FHDC1: variants seen among roughly 807,000 people sequenced by gnomAD.
FHDC1 encodes FH2 domain containing 1, also known as FH2 domain-containing protein 1.
Under a neutral mutation model 52.6 loss-of-function variants are expected in FHDC1, and 25 were observed. That is an observed-to-expected ratio of 0.48 (90% CI 0.35 to 0.66). FHDC1 has a LOEUF of 0.66. Ranked by LOEUF, FHDC1 falls within the 30% of genes least tolerant of loss-of-function variation. The pLI, the probability that FHDC1 is intolerant of heterozygous loss-of-function variation, is 0.01. For synonymous variants in FHDC1, 616 were observed against 581.5 expected, an observed-to-expected ratio of 1.06 and a Z score of -0.85; for missense variants, 1,459 against 1,452.8, an observed-to-expected ratio of 1.00 and a Z score of -0.07.
At position 152,978,654 on chromosome 4, in the gene FHDC1, G is replaced by A. The variant is rs933290038; in HGVS notation, c.*1931G>A. 1 of 151,886 alleles carries A rather than the reference G, an allele frequency of 6.6e-6. No homozygotes were observed. Among genetic ancestry groups the A allele is most frequent in the African/African-American group, 2.4e-5 (1 of 41,338 alleles). The allele number at this position is 151,886 out of a possible 1,614,324, so 9.4% of individuals were successfully genotyped here. A position where few individuals can be genotyped will look rare whatever the true frequency, so the allele number is the denominator to read the frequency against. ...AATTTTTTTTTTAAGAAACTTTTTT[G>A]TGTTTTTTTTAATTTTAGGTCACTT... is the stretch of plus-strand genomic sequence containing the variant. On this transcript the variant is annotated 3_prime_UTR_variant, in exon 12 of 12. Coordinates refer to ENST00000511601, the MANE Select transcript of FHDC1 (RefSeq NM_001371116.1).
At chr4:152,919,982 G>A in the FHDC1 span, among the ~76,000 whole-genome samples, 1 of 119,054 alleles carries the variant, frequency 8.4e-6, no homozygotes, top group Non-Finnish European at 1.6e-5. Context: ...GAGACTCTCT[G>A]TGTTGCCGAG....
At chr4:152,962,395 G>A (rs898543405) in intron 6 of FHDC1, among the ~76,000 whole-genome samples, 1 of 152,132 alleles carries the variant, frequency 6.6e-6, no homozygotes, top group African/African-American at 2.4e-5. Flanking sequence ...CTTGCTGTTA[G>A]TTTTCATATT....
At chr4:152,921,030 A>G in the FHDC1 span, among the ~76,000 whole-genome samples, 1 of 152,038 alleles carries the variant, frequency 6.6e-6, no homozygotes, top group Non-Finnish European at 1.5e-5. Context: ...TTAAACAACC[A>G]GTCATTTTAT....
At chr4:152,967,604 C>T (rs1229509280) in intron 9 of FHDC1, among the ~76,000 whole-genome samples, 2 of 152,246 alleles carry the variant, frequency 1.3e-5, no homozygotes, top group Non-Finnish European at 2.9e-5. Context: ...GTTAGAGTTT[C>T]CTATTTGTGT....
chr4:152,919,837 C>A, the FHDC1 span, among the ~76,000 whole-genome samples: 5 of 151,696 alleles, frequency 3.3e-5, no homozygotes, highest in Non-Finnish European at 5.9e-5. Flanking sequence ...ATTCTAACTA[C>A]AGGCACACAA....
In FHDC1 at chr4:152,960,655, G is replaced by A; in HGVS notation, c.749+5G>A. ...TGGCTTAATTCAGGTGCCAAAGTAA[G>A]GATACAGTCGCTGGTTATTATTCTT... On this transcript the variant is annotated splice_donor_5th_base_variant and intron_variant, in intron 5 of 11. Coordinates refer to ENST00000511601, the MANE Select transcript of FHDC1 (RefSeq NM_001371116.1). 1 of 1,614,026 alleles carries A rather than the reference G, an allele frequency of 6.2e-7. No homozygotes were observed. Among genetic ancestry groups the A allele is most frequent in the Non-Finnish European group, 8.5e-7 (1 of 1,179,972 alleles).
intron 2 of FHDC1, among the ~76,000 whole-genome samples, chr4:152,948,237 T>G (rs1739795918): frequency 6.6e-6 from 1 of 152,228 alleles, no homozygotes; most frequent in African/African-American, 2.4e-5. Context: ...GTAGTGTTAC[T>G]CAAGTAGGTA....
the FHDC1 span, among the ~76,000 whole-genome samples, chr4:152,923,413 C>T: frequency 2.8e-4 from 42 of 152,270 alleles, no homozygotes; most frequent in African/African-American, 1.0e-3. Flanking sequence ...GAATCAATAT[C>T]ATGAAAATGG....
intron 4 of FHDC1, among the ~76,000 whole-genome samples, chr4:152,958,584 G>A (rs1007628511): frequency 5.3e-5 from 8 of 152,192 alleles, no homozygotes; most frequent in South Asian, 4.1e-4. Flanking sequence ...AACATTTACC[G>A]AGTTTACTTA....
intron 9 of FHDC1, among the ~76,000 whole-genome samples, chr4:152,966,242 G>T (rs538418941): frequency 6.6e-6 from 1 of 152,302 alleles, no homozygotes; most frequent in East Asian, 1.9e-4. Context: ...TATTCAGCAA[G>T]CTTGTTTATT....
At chr4:152,945,520 A>G (rs147800859) in intron 2 of FHDC1, among the ~76,000 whole-genome samples, 3,066 of 152,088 alleles carry the variant, frequency 0.02, 91 homozygotes, top group African/African-American at 0.069. Flanking sequence ...ACAGTGGTGC[A>G]CTCTTGGCTC....
rs1259323247 is a variant in FHDC1, at chr4:152,972,450, A to AT, written c.1298dup (p.Cys434LeufsTer2). The AT allele has an allele frequency of 1.9e-6, 3 of 1,613,824 alleles. No individual in the cohort carries two copies. Among genetic ancestry groups the AT allele is most frequent in the Non-Finnish European group, 1.7e-6 (2 of 1,179,984 alleles). On this transcript the variant is annotated frameshift_variant, in exon 11 of 12. Transcript: ENST00000511601. LOFTEE classifies it high-confidence loss of function. ...CAGGATGAGGCCTACACCCTTATAG[A>AT]TTTTTTCTGTGAAGACAAAAAAACC...
Position 152,975,028 on chromosome 4 carries a change from C to A in FHDC1, c.1737C>A (p.Ala579=), listed in dbSNP as rs1358403068. ...TGCCCCGGAGCAGCCCCCGGCAGGCCCGGCCCACGATAGCCTGCCTGGAGC... is the reference window on the plus strand; with the variant it reads ...TGCCCCGGAGCAGCCCCCGGCAGGCACGGCCCACGATAGCCTGCCTGGAGC... The part of the protein sequence containing the change: ...HSLPRSSPRQ[A]RPTIACLEPA... The change falls in exon 12 of 12, where the codon GCC becomes GCA. Residue 579 remains alanine, a synonymous_variant. Transcript: ENST00000511601. 1 of 1,612,658 alleles carries A rather than the reference C, an allele frequency of 6.2e-7. No individual in the cohort carries two copies. Among genetic ancestry groups the A allele is most frequent in the East Asian group, 2.2e-5 (1 of 44,868 alleles).
At position 152,976,609 on chromosome 4, in the gene FHDC1, T is replaced by G. The variant is rs201934651; in HGVS notation, c.3318T>G (p.Ser1106Arg). Residue 1106 changes from serine to arginine, a missense_variant, in exon 12 of 12, where the codon AGT (serine) becomes AGG (arginine). Physicochemically the swap from Ser to Arg is moderately radical, Grantham distance 110. Around this residue, in one of 3 missense-constraint regions of FHDC1, gnomAD observed 939 missense variants for 854.5 expected, o/e 1.10. Transcript: ENST00000511601. ...KKRPESAEGP[S>R]ANTEAPLKAR... Reference sequence around the variant, plus strand: ...GCCCAGAGTCTGCGGAGGGTCCCAGTGCCAACACGGAGGCCCCTCTGAAGG... The same window carrying G: ...GCCCAGAGTCTGCGGAGGGTCCCAGGGCCAACACGGAGGCCCCTCTGAAGG... The G allele has an allele frequency of 1.5e-4, 238 of 1,610,940 alleles. No individual in the cohort carries two copies. Among genetic ancestry groups the G allele is most frequent in the Non-Finnish European group, 1.9e-4 (229 of 1,178,772 alleles).
the FHDC1 span, among the ~76,000 whole-genome samples, chr4:152,919,515 C>A: frequency 6.6e-6 from 1 of 152,210 alleles, no homozygotes; most frequent in Admixed American, 6.5e-5. Context: ...CCAAATAAAT[C>A]TCACATAAAT....
Position 152,942,954 on chromosome 4 carries a change from T to C in FHDC1, c.-104T>C. 1 of 1,296,536 alleles carries C rather than the reference T, an allele frequency of 7.7e-7. No individual in the cohort carries two copies. Among genetic ancestry groups the C allele is most frequent in the Admixed American group, 2.2e-5 (1 of 45,016 alleles). 80.3% of individuals were successfully genotyped at this position (1,296,536 alleles called of 1,614,324 possible). The stretch of plus-strand genomic sequence containing the variant: ...TTTGGAAGAGGACAGTTGCCCTTTA[T>C]TCTGGCGGCAGATAGCAGCAGGTGA... On this transcript the variant is annotated 5_prime_UTR_variant, in exon 2 of 12. Coordinates refer to ENST00000511601, the MANE Select transcript of FHDC1 (RefSeq NM_001371116.1).
At chr4:152,941,557 G>A (rs1004537539) in intron 1 of FHDC1, among the ~76,000 whole-genome samples, 5 of 152,140 alleles carry the variant, frequency 3.3e-5, no homozygotes, top group Non-Finnish European at 5.9e-5. Context: ...TGTAGGTGAC[G>A]TTACCAACCT....
upstream of FHDC1, among the ~76,000 whole-genome samples, chr4:152,935,020 C>G (rs1739323978): frequency 6.6e-6 from 1 of 152,208 alleles, no homozygotes; most frequent in South Asian, 2.1e-4. Flanking sequence ...GCTCCCTGAG[C>G]ATGACATTGT....
intron 9 of FHDC1, 124 bp from the exon 10 acceptor site, chr4:152,967,856 A>G: frequency 1.5e-6 from 1 of 676,392 alleles, no homozygotes; most frequent in South Asian, 1.8e-5. Context: ...GGGTAGATAA[A>G]TATCATCACA....
Sources: allele counts gnomAD v4.1 joint callset (sites outside exome capture counted in the v4.1 genomes callset), GRCh38; gene constraint gnomAD v4.1.1; regional missense constraint gnomAD v4.1.1; transcripts MANE v1.5; gene names NCBI Gene and HGNC (gene_info 2026-07-23, HGNC 2026-07-21).